GALC: variants seen among roughly 807,000 people sequenced by gnomAD.
GALC encodes the protein galactosylceramidase, also known as galactocerebrosidase.
A neutral mutation model predicts 91.8 loss-of-function variants in GALC; 77 were observed. The ratio of observed to expected loss-of-function variants is 0.84; its 90% CI spans 0.70 to 1.01. GALC has a LOEUF of 1.01. GALC is among the 50% of genes least tolerant of loss of function. The probability of loss-of-function intolerance (pLI) is 0.00; values close to 1 mark genes in which losing one functional copy is unlikely to be tolerated. For missense variants in GALC, 882 were observed against 855.9 expected, an observed-to-expected ratio of 1.03 and a Z score of -0.38; for synonymous variants, 357 against 306.7, an observed-to-expected ratio of 1.16 and a Z score of -1.71.
chr14:87,964,700 T>G (rs1348507563), intron 9 of GALC, among the ~76,000 whole-genome samples: 3 of 152,174 alleles, frequency 2.0e-5, no homozygotes, highest in Non-Finnish European at 1.5e-5. Context: ...CTCTGAGCTA[T>G]GTAAATTATG....
intron 10 of GALC, among the ~76,000 whole-genome samples, chr14:87,960,839 A>G (rs1885772992): frequency 6.6e-6 from 1 of 152,206 alleles, no homozygotes; most frequent in African/African-American, 2.4e-5. Flanking sequence ...CCAAAAACCT[A>G]AATTTAAGAT....
chr14:87,950,848 AT>A (rs1885276926), intron 10 of GALC, 100 bp from the exon 11 acceptor site: 2 of 684,420 alleles, frequency 2.9e-6, no homozygotes, highest in Non-Finnish European at 5.3e-6. Context: ...AGAAATTTAC[AT>A]ATACTAGATA....
intron 1 of GALC, among the ~76,000 whole-genome samples, chr14:87,989,203 G>A (rs903808887): frequency 2.4e-4 from 37 of 152,180 alleles, no homozygotes; most frequent in East Asian, 7.7e-4. Context: ...AAAAGAGGCC[G>A]GTTTTTGGCA....
At chr14:87,992,689 A>G (rs1887256766) in intron 1 of GALC, 2 of 1,434,374 alleles carry the variant, frequency 1.4e-6, no homozygotes, top group South Asian at 3.0e-5. Context: ...CTACTTCACT[A>G]CTTAGACCTG....
intron 14 of GALC, among the ~76,000 whole-genome samples, chr14:87,943,551 G>A (rs452307): frequency 0.49 from 74,776 of 151,856 alleles, 19,095 homozygotes; most frequent in African/African-American, 0.6. Flanking sequence ...CAAAGAGAAT[G>A]GGCTACTCAG....
chr14:87,982,264 A>G (rs1419916119), intron 5 of GALC, 21 bp from the exon 6 acceptor site: 1 of 1,545,032 alleles, frequency 6.5e-7, no homozygotes, highest in Non-Finnish European at 8.9e-7. Flanking sequence ...AAAAGTCAAA[A>G]AAGTCTGAAT....
chr14:87,976,247 A>C, intron 7 of GALC, 111 bp downstream of exon 7: 1 of 1,126,654 alleles, frequency 8.9e-7, no homozygotes, highest in South Asian at 1.2e-5. Context: ...TGAATACAGG[A>C]GAGCTACCTT....
intron 10 of GALC, among the ~76,000 whole-genome samples, chr14:87,960,509 T>C (rs1482101764): frequency 2.6e-5 from 4 of 152,090 alleles, no homozygotes; most frequent in Non-Finnish European, 5.9e-5. Context: ...CATCAAATTG[T>C]ACCCTGTGTC....
intron 12 of GALC, among the ~76,000 whole-genome samples, chr14:87,948,213 T>C (rs1885155749): frequency 6.6e-6 from 1 of 152,038 alleles, no homozygotes; most frequent in Non-Finnish European, 1.5e-5. Flanking sequence ...TACATGCAAC[T>C]AAGAGACCTG....
chr14:87,981,669 T>C (rs1387207934), intron 6 of GALC, among the ~76,000 whole-genome samples: 2 of 152,094 alleles, frequency 1.3e-5, no homozygotes, highest in African/African-American at 4.8e-5. Context: ...GCAATTACAG[T>C]AGTTACCTCA....
At position 87,988,537 on chromosome 14, in the gene GALC, T is replaced by C. The variant is rs1887066451; in HGVS notation, c.196-14A>G. ...TCGGGAGGTTGCCTAAAAAAAAAAGTTTTCAAAAGTATGAATAAAAGAAAT... is the reference window on the plus strand; with the variant it reads ...TCGGGAGGTTGCCTAAAAAAAAAAGCTTTCAAAAGTATGAATAAAAGAAAT... On this transcript the variant is annotated splice_polypyrimidine_tract_variant and intron_variant, in intron 1 of 16. Transcript: ENST00000261304. 5 of 1,573,506 alleles carry C rather than the reference T, an allele frequency of 3.2e-6. No individual in the cohort carries two copies. Among genetic ancestry groups the C allele is most frequent in the Non-Finnish European group, 4.4e-6 (5 of 1,143,262 alleles).
rs1039926220 is a variant in GALC, at chr14:87,934,711, T to C, written c.*21A>G. 1.2e-6 allele frequency: 2 copies of C among 1,612,880 alleles called. No individual in the cohort carries two copies. The highest frequency in any genetic ancestry group is 2.7e-5 in the African/African-American group (2 of 74,966). On this transcript the variant is annotated 3_prime_UTR_variant, in exon 17 of 17. Coordinates refer to ENST00000261304, the MANE Select transcript of GALC (RefSeq NM_000153.4). Reference sequence around the variant, plus strand: ...AAGAAGGGAAGAAAATCCAGAGTATTCTATGATGCCCTGTTAAGTATTAGC... The same window carrying C: ...AAGAAGGGAAGAAAATCCAGAGTATCCTATGATGCCCTGTTAAGTATTAGC...
chr14:87,983,711 G>C (rs1487259224), intron 5 of GALC, among the ~76,000 whole-genome samples: 1 of 152,064 alleles, frequency 6.6e-6, no homozygotes, highest in African/African-American at 2.4e-5. Flanking sequence ...TGCAGCCTGG[G>C]GCATGCCTCC....
At chr14:87,993,480 C>T (rs1887333694), upstream of GALC, 3 of 1,535,288 alleles carry the variant, frequency 2.0e-6, no homozygotes, top group Non-Finnish European at 1.7e-6. Flanking sequence ...AGTGGCCCTA[C>T]CATGGCTCTT....
Position 87,934,537 on chromosome 14 carries a change from T to G in GALC, c.*195A>C. ...CCAGGTAATGTTAAAGATTCACCAG[T>G]TTTCCCCTTGGAATTAATTCTAATA... is the stretch of plus-strand genomic sequence containing the variant. On this transcript the variant is annotated 3_prime_UTR_variant, in exon 17 of 17. Coordinates refer to ENST00000261304, the MANE Select transcript of GALC (RefSeq NM_000153.4). 6.9e-7 allele frequency: 1 copy of G among 1,450,548 alleles called. No homozygotes were observed. Among genetic ancestry groups the G allele is most frequent in the African/African-American group, 1.4e-5 (1 of 70,198 alleles). The allele number at this position is 1,450,548 out of a possible 1,614,324, so 89.9% of individuals were successfully genotyped here.
At chr14:87,956,667 T>C (rs906488589) in intron 10 of GALC, among the ~76,000 whole-genome samples, 1 of 151,636 alleles carries the variant, frequency 6.6e-6, no homozygotes, top group African/African-American at 2.4e-5. Flanking sequence ...ACTCATCAGT[T>C]GATGGGCACT....
intron 3 of GALC, 57 bp downstream of exon 3, chr14:87,988,087 G>A: frequency 7.8e-7 from 1 of 1,283,466 alleles, no homozygotes. Context: ...CAGTCCATAT[G>A]CTGAGGTATA....
At chr14:87,971,339 G>A (rs1886284834) in intron 7 of GALC, among the ~76,000 whole-genome samples, 1 of 152,158 alleles carries the variant, frequency 6.6e-6, no homozygotes, top group Non-Finnish European at 1.5e-5. Context: ...ACCAACTCAG[G>A]AAGATGGGAA....
At chr14:87,987,482 C>T (rs948789607) in intron 3 of GALC, among the ~76,000 whole-genome samples, 1 of 152,138 alleles carries the variant, frequency 6.6e-6, no homozygotes, top group African/African-American at 2.4e-5. Context: ...ACACTAATAC[C>T]ACCACATAGA....
Sources: allele counts gnomAD v4.1 joint callset (sites outside exome capture counted in the v4.1 genomes callset), GRCh38; gene constraint gnomAD v4.1.1; transcripts MANE v1.5; gene names NCBI Gene and HGNC (gene_info 2026-07-23, HGNC 2026-07-21).